The following FIGNL1 variants were observed in gnomAD, a reference collection of about 807,000 sequenced individuals.
The protein encoded by FIGNL1 is fidgetin like 1.
In FIGNL1, 11 loss-of-function variants were observed where a neutral mutation model predicts 28.9. The observed-to-expected ratio is 0.38, with a 90% CI of 0.24 to 0.63. The LOEUF is 0.63. Ranked by LOEUF, FIGNL1 falls within the 20% of genes least tolerant of loss-of-function variation. FIGNL1 has a pLI of 0.57. For missense variants in FIGNL1, 789 were observed against 810.4 expected, an observed-to-expected ratio of 0.97 and a Z score of 0.32; for synonymous variants, 295 against 276.5, an observed-to-expected ratio of 1.07 and a Z score of -0.66.
rs927756635 is a variant in FIGNL1 at position 50,445,763 on chromosome 7, G to A, written c.1525C>T (p.Arg509Trp). The A allele has an allele frequency of 2.4e-5, 39 of 1,614,022 alleles. No individual in the cohort carries two copies. Among genetic ancestry groups the A allele is most frequent in the Admixed American group, 1.7e-5 (1 of 59,998 alleles). ...GAAGATTCATGCTCACCATCTCCCC[G>A]TTGAGATAACAAGGAATCAATTTCG... ...IDEIDSLLSQRGDGEHESSRR... is the reference protein window; with the variant it reads ...IDEIDSLLSQWGDGEHESSRR... The change falls in exon 4 of 4, where the codon CGG (arginine) becomes TGG (tryptophan). Residue 509 changes from arginine (R) to tryptophan (W), a missense_variant. Transcript: ENST00000433017.
chr7:50,445,681 T>G lies in FIGNL1; in HGVS notation c.1607A>C (p.Glu536Ala), dbSNP rs765160181. The G allele has an allele frequency of 1.2e-6, 2 of 1,614,152 alleles. No homozygotes were observed. The highest frequency in any genetic ancestry group is 3.3e-5 in the Admixed American group (2 of 60,028). Residue 536 changes from glutamate (E) to alanine (A), a missense_variant, in exon 4 of 4, where the codon GAA (glutamate) becomes GCA (alanine). Glu to Ala is a moderately radical substitution (Grantham distance 107, BLOSUM62 -1). Coordinates refer to ENST00000433017, the MANE Select transcript of FIGNL1 (RefSeq NM_001287492.4). ...VQLDGATTSS[E>A]DRILVVGATN... is the part of the protein sequence containing the mutation. ...TGCTCCCACCACTAGGATACGATCT[T>G]CAGAAGATGTTGTTGCTCCATCTAA...
Position 50,445,412 on chromosome 7 carries a change from C to T in FIGNL1, c.1876G>A (p.Ala626Thr), listed in dbSNP as rs1309078019. 1 of 1,614,200 alleles carries T rather than the reference C, an allele frequency of 6.2e-7. No homozygotes were observed. Among genetic ancestry groups the T allele is most frequent in the South Asian group, 1.1e-5 (1 of 91,074 alleles). Residue 626 changes from alanine (A) to threonine (T), a missense_variant, in exon 4 of 4, where the codon GCT (alanine) becomes ACT (threonine). By Grantham distance (58) the Ala-to-Thr change is moderately conservative. Transcript: ENST00000433017. ...SLGPIRSLQT[A>T]DIATITPDQV... ...TCCGGTGTTATGGTAGCAATGTCAG[C>T]AGTTTGTAAACTGCGAATAGGACCA...
chr7:50,448,637 C>CG (rs1821461997), intron 2 of FIGNL1: 1 of 152,100 alleles, frequency 6.6e-6, no homozygotes, highest in Non-Finnish European at 1.5e-5. Context: ...TTTTTGTTTC[C>CG]TAACAGTATT....
In FIGNL1 at chr7:50,444,223, T is replaced by C. The variant is rs546895549; in HGVS notation, c.*1040A>G. ...CACCAAATGCATCCCACATAGTTCC[T>C]TTACAATAAACAAAAGATAAACAAC... On this transcript the variant is annotated 3_prime_UTR_variant, in exon 4 of 4. Transcript: ENST00000433017. 20 of 152,342 alleles carry C rather than the reference T, an allele frequency of 1.3e-4. No individual in the cohort carries two copies. The highest frequency in any genetic ancestry group is 4.3e-4 in the African/African-American group (18 of 41,574). The allele number at this position is 152,342 out of a possible 1,614,324, so 9.4% of individuals were successfully genotyped here. A position where few individuals can be genotyped will look rare whatever the true frequency, so the allele number is the denominator to read the frequency against.
rs1436313068 is a variant in FIGNL1, at chr7:50,446,510, A to G, written c.778T>C (p.Phe260Leu). ...AACENPQRKS[F>L]YGSGTIDALS... Reference sequence around the variant, plus strand: ...GCATCAATGGTGCCAGAACCATAAAAAGACTTCCTCTGTGGATTTTCACAG... The same window carrying G: ...GCATCAATGGTGCCAGAACCATAAAGAGACTTCCTCTGTGGATTTTCACAG... Residue 260 changes from phenylalanine (F) to leucine (L), a missense_variant, in exon 4 of 4, where the codon TTT becomes CTT. By Grantham distance (22) the Phe-to-Leu change is conservative. Transcript: ENST00000433017. 1 of 1,614,200 alleles carries G rather than the reference A, an allele frequency of 6.2e-7. No individual in the cohort carries two copies.
intron 2 of FIGNL1, chr7:50,448,509 T>A (rs1210004968): frequency 2.6e-5 from 4 of 152,260 alleles, no homozygotes; most frequent in Admixed American, 6.5e-5. Context: ...AGATTTCTTC[T>A]GTCAAGTTAT....
chr7:50,447,425 T>C (rs1479500739), intron 3 of FIGNL1, 128 bp from the exon 4 acceptor site: 6 of 638,404 alleles, frequency 9.4e-6, no homozygotes, highest in Non-Finnish European at 1.3e-5. Flanking sequence ...TGTAGATTTA[T>C]AAGGACAGGT....
chr7:50,445,824 A>G lies in FIGNL1; in HGVS notation c.1464T>C (p.Val488=). 6.2e-7 allele frequency: 1 copy of G among 1,614,224 alleles called. No individual in the cohort carries two copies. Among genetic ancestry groups the G allele is most frequent in the Non-Finnish European group, 8.5e-7 (1 of 1,180,036 alleles). ...GEKMVRALFA[V]ARCQQPAVIF... ...TCACAGCTGGTTGCTGACACCTTGC[A>G]ACAGCAAACAATGCACGGACCATTT... Residue 488 remains valine (V), a synonymous_variant, in exon 4 of 4, where the codon GTT becomes GTC. Coordinates refer to ENST00000433017, the MANE Select transcript of FIGNL1 (RefSeq NM_001287492.4).
rs768348091 is a variant in FIGNL1 at position 50,445,747 on chromosome 7, T to C, written c.1541A>G (p.His514Arg). The C allele has an allele frequency of 9.3e-6, 15 of 1,614,236 alleles. No homozygotes were observed. The highest frequency in any genetic ancestry group is 1.3e-5 in the Non-Finnish European group (15 of 1,180,036). Residue 514 changes from histidine (H) to arginine (R), a missense_variant, in exon 4 of 4, where the codon CAT (histidine) becomes CGT (arginine). His to Arg is a conservative substitution (Grantham distance 29). Transcript: ENST00000433017. ...TGTTTTTATCCTTCTAGAAGATTCA[T>C]GCTCACCATCTCCCCGTTGAGATAA... ...SLLSQRGDGE[H>R]ESSRRIKTEF...
rs141070996 is a variant in FIGNL1 at position 50,445,945 on chromosome 7, G to C, written c.1343C>G (p.Thr448Ser). The stretch of plus-strand genomic sequence containing the variant: ...ACTAGCAATGCACTTGCCAATTAGA[G>C]TTTTACCAGTCCCAGGAGGACCAAA... ...LLFGPPGTGK[T>S]LIGKCIASQS... The change falls in exon 4 of 4, where the codon ACT (threonine) becomes AGT (serine). Residue 448 changes from threonine (T) to serine (S), a missense_variant. Coordinates refer to ENST00000433017, the MANE Select transcript of FIGNL1 (RefSeq NM_001287492.4). 36 of 1,614,002 alleles carry C rather than the reference G, an allele frequency of 2.2e-5. No individual in the cohort carries two copies. The highest frequency in any genetic ancestry group is 2.9e-5 in the Non-Finnish European group (34 of 1,180,034).
chr7:50,450,097 C>G (rs2153530895), intron 1 of FIGNL1: 1 of 152,390 alleles, frequency 6.6e-6, no homozygotes, highest in East Asian at 1.9e-4. Flanking sequence ...TCTGGGCTAG[C>G]GGGTCAGCCA....
In FIGNL1 at chr7:50,447,272, A is replaced by G. The variant is rs945874338; in HGVS notation, c.16T>C (p.Ser6Pro). The change falls in exon 4 of 4, where the codon TCT becomes CCT. Residue 6 changes from serine to proline, a missense_variant. Physicochemically the swap from Ser to Pro is moderately conservative, Grantham distance 74. Coordinates refer to ENST00000433017, the MANE Select transcript of FIGNL1 (RefSeq NM_001287492.4). MQTSS[S>P]RSVHLSEWQK... ...CATTCACTCAGGTGCACAGATCTAG[A>G]GCTGGAGGTCTGCATTTTAGAGGTT... The G allele has an allele frequency of 6.3e-7, 1 of 1,588,278 alleles. No homozygotes were observed. The highest frequency in any genetic ancestry group is 8.6e-7 in the Non-Finnish European group (1 of 1,163,606).
Position 50,447,294 on chromosome 7 carries a change from G to A in FIGNL1, c.-7C>T. On this transcript the variant is annotated 5_prime_UTR_variant, in exon 4 of 4. Coordinates refer to ENST00000433017, the MANE Select transcript of FIGNL1 (RefSeq NM_001287492.4). ...TAGAGCTGGAGGTCTGCATTTTAGA[G>A]GTTCTATAACAAACAATAAAAATGA... 3 of 1,554,730 alleles carry A rather than the reference G, an allele frequency of 1.9e-6. No individual in the cohort carries two copies. Among genetic ancestry groups the A allele is most frequent in the East Asian group, 2.3e-5 (1 of 43,974 alleles).
In FIGNL1 at chr7:50,449,115, T is replaced by C. The variant is rs1023722092; in HGVS notation, c.-120+3A>G. 1.3e-5 allele frequency: 2 copies of C among 152,210 alleles called. No individual in the cohort carries two copies. The highest frequency in any genetic ancestry group is 2.1e-4 in the South Asian group (1 of 4,834). 9.4% of individuals were successfully genotyped at this position (152,210 alleles called of 1,614,324 possible). On this transcript the variant is annotated splice_donor_region_variant and intron_variant, in intron 2 of 3. Transcript: ENST00000433017. ...ATCTGTTATCCTGAAATTTCTACCA[T>C]ACCTCAGAGTTCTAGTCACTGTTCT...
chr7:50,445,799 T>A lies in FIGNL1; in HGVS notation c.1489A>T (p.Ile497Leu). The A allele has an allele frequency of 6.2e-7, 1 of 1,614,236 alleles. No individual in the cohort carries two copies. The part of the protein sequence containing the change: ...AVARCQQPAV[I>L]FIDEIDSLLS... ...AAGGAATCAATTTCGTCAATAAATA[T>A]CACAGCTGGTTGCTGACACCTTGCA... Residue 497 changes from isoleucine to leucine, a missense_variant, in exon 4 of 4, where the codon ATA (isoleucine) becomes TTA (leucine). By Grantham distance (5) the Ile-to-Leu change is conservative. Coordinates refer to ENST00000433017, the MANE Select transcript of FIGNL1 (RefSeq NM_001287492.4).
Position 50,446,016 on chromosome 7 carries a change from T to C in FIGNL1, c.1272A>G (p.Pro424=). The change falls in exon 4 of 4, where the codon CCA becomes CCG. Residue 424 remains proline, a synonymous_variant. Coordinates refer to ENST00000433017, the MANE Select transcript of FIGNL1 (RefSeq NM_001287492.4). The part of the protein sequence containing the change: ...KEIVVWPMLR[P]DIFTGLRGPP... ...GTCCCCTTAAACCAGTAAAGATGTC[T>C]GGCCTCAACATGGGCCACACAACTA... The C allele has an allele frequency of 6.2e-7, 1 of 1,614,212 alleles. No individual in the cohort carries two copies. Among genetic ancestry groups the C allele is most frequent in the Non-Finnish European group, 8.5e-7 (1 of 1,180,036 alleles).
intron 2 of FIGNL1, 187 bp downstream of exon 2, chr7:50,448,931 T>G (rs1245125852): frequency 1.3e-5 from 2 of 152,264 alleles, no homozygotes; most frequent in Non-Finnish European, 2.9e-5. Flanking sequence ...TGTCAAGCAG[T>G]TCATCCTTTT....
Position 50,446,349 on chromosome 7 carries a change from A to G in FIGNL1, c.939T>C (p.Pro313=). 1 of 1,613,990 alleles carries G rather than the reference A, an allele frequency of 6.2e-7. No individual in the cohort carries two copies. Among genetic ancestry groups the G allele is most frequent in the South Asian group, 1.1e-5 (1 of 91,072 alleles). Residue 313 remains proline, a synonymous_variant, in exon 4 of 4, where the codon CCT becomes CCC. Coordinates refer to ENST00000433017, the MANE Select transcript of FIGNL1 (RefSeq NM_001287492.4). ...WVDQQKKYHQ[P]QRASGSSYGG... Reference sequence around the variant, plus strand: ...CATATGAAGACCCTGATGCACGCTGAGGTTGGTGGTACTTTTTTTGCTGAT... The same window carrying G: ...CATATGAAGACCCTGATGCACGCTGGGGTTGGTGGTACTTTTTTTGCTGAT...
In FIGNL1 at chr7:50,447,140, T is replaced by C. The variant is rs1821101606; in HGVS notation, c.148A>G (p.Ile50Val). 6.2e-7 allele frequency: 1 copy of C among 1,614,090 alleles called. No individual in the cohort carries two copies. Among genetic ancestry groups the C allele is most frequent in the South Asian group, 1.1e-5 (1 of 91,084 alleles). The change falls in exon 4 of 4, where the codon ATT becomes GTT. Residue 50 changes from isoleucine to valine, a missense_variant. Coordinates refer to ENST00000433017, the MANE Select transcript of FIGNL1 (RefSeq NM_001287492.4). Reference sequence around the variant, plus strand: ...AGTTTGGTAGCACAGACCTGGGAAATCTCAGAGTTTGCCCATGCATACTGA... The same window carrying C: ...AGTTTGGTAGCACAGACCTGGGAAACCTCAGAGTTTGCCCATGCATACTGA... The part of the protein sequence containing the change: ...RIQYAWANSE[I>V]SQVCATKLFK...
Sources: gnomAD v4.1 joint callset for allele counts on GRCh38, gnomAD v4.1.1 for gene constraint, MANE v1.5 for transcripts, NCBI Gene and HGNC (gene_info 2026-07-23, HGNC 2026-07-21) for gene names.